The following SPDYE21 variants were observed in gnomAD, a reference collection of about 807,000 sequenced individuals.
SPDYE21 encodes speedy/RINGO cell cycle regulator family member E21, also known as speedy protein E21.
Under a neutral mutation model 36.2 loss-of-function variants are expected in SPDYE21, and 14 were observed. That is an observed-to-expected ratio of 0.39 (90% CI 0.26 to 0.61). SPDYE21 has a LOEUF of 0.61. Ranked by LOEUF, SPDYE21 falls within the 20% of genes least tolerant of loss-of-function variation. The probability of loss-of-function intolerance (pLI) is 0.55; values close to 1 mark genes in which losing one functional copy is unlikely to be tolerated. For synonymous variants in SPDYE21, 58 were observed against 155.1 expected (o/e 0.37, Z 4.65); for missense variants, 233 against 424.6 (o/e 0.55, Z 3.97).
At chr7:67,284,468 G>A (rs1584748984) in intron 6 of SPDYE21, among the ~76,000 whole-genome samples, 5 of 88,532 alleles carry the variant, frequency 5.6e-5, no homozygotes, top group East Asian at 5.1e-4. Flanking sequence ...AAAAAAAAAA[G>A]CCAAAAAAAC....
rs1007095875 is a variant in SPDYE21 at position 67,279,852 on chromosome 7, C to T, written c.195C>T (p.Ser65=). The T allele has an allele frequency of 1.1e-5, 18 of 1,592,812 alleles. No homozygotes were observed. The highest frequency in any genetic ancestry group is 1.4e-5 in the Non-Finnish European group (16 of 1,178,386). The change falls in exon 3 of 9, where the codon TCC becomes TCT. Residue 65 remains serine, a synonymous_variant. Transcript: ENST00000424157. ...TAGATCCCAGCCCCCCATGTAGGTC[C>T]CTTGGCTGGAAAAGGAAGAAGGAGT... ...PGVDPSPPCR[S]LGWKRKKEWS...
Position 67,279,896 on chromosome 7 carries a change from A to G in SPDYE21, c.239A>G (p.Glu80Gly). ...RKKEWSDESE[E>G]EPEKELAPEP... is the part of the protein sequence containing the mutation. ...AAGGAGTGGTCAGATGAATCTGAGG[A>G]GGAGCCGGAGAAGGAGCTCGCCCCT... Residue 80 changes from glutamate (E) to glycine (G), a missense_variant, in exon 3 of 9, where the codon GAG becomes GGG. Transcript: ENST00000424157. 3 of 1,589,314 alleles carry G rather than the reference A, an allele frequency of 1.9e-6. No homozygotes were observed. The South Asian group carries it at 3.3e-5, about 18-fold the overall frequency.
At chr7:67,281,099 C>CAAAAAA (rs3972832) in intron 3 of SPDYE21, among the ~76,000 whole-genome samples, 36 of 43,736 alleles carry the variant, frequency 8.2e-4, no homozygotes, top group African/African-American at 9.5e-4. Context: ...ACAACAACAA[C>CAAAAAA]AAAAAAAAAA....
chr7:67,285,365 G>A (rs1347875919), intron 6 of SPDYE21, among the ~76,000 whole-genome samples: 1 of 151,050 alleles, frequency 6.6e-6, no homozygotes, highest in African/African-American at 2.4e-5. Context: ...ACAGGGCTGT[G>A]CCACCACACC....
At chr7:67,283,143 T>G (rs2116509954) in intron 5 of SPDYE21, among the ~76,000 whole-genome samples, 1 of 151,818 alleles carries the variant, frequency 6.6e-6, no homozygotes, top group African/African-American at 2.4e-5. Context: ...CCACAAATTT[T>G]TTTTTTGTGA....
intron 5 of SPDYE21, 76 bp downstream of exon 5, chr7:67,282,769 T>C: frequency 9.0e-7 from 1 of 1,112,494 alleles, no homozygotes; most frequent in Non-Finnish European, 1.2e-6. Flanking sequence ...AAACCCACAG[T>C]TCTCCCTCCA....
intron 8 of SPDYE21, among the ~76,000 whole-genome samples, 146 bp from the exon 9 acceptor site, chr7:67,287,372 T>A (rs1038565605): frequency 3.9e-5 from 6 of 152,132 alleles, no homozygotes; most frequent in Non-Finnish European, 7.3e-5. Flanking sequence ...ACACGATGGT[T>A]CAGAAGCAGG....
rs1018931540 is a variant in SPDYE21, at chr7:67,279,867, G to T, written c.210G>T (p.Arg70Ser). The change falls in exon 3 of 9, where the codon AGG becomes AGT. Residue 70 changes from arginine (R) to serine (S), a missense_variant. Transcript: ENST00000424157. ...CATGTAGGTCCCTTGGCTGGAAAAG[G>T]AAGAAGGAGTGGTCAGATGAATCTG... ...SPPCRSLGWK[R>S]KKEWSDESEE... The T allele has an allele frequency of 1.9e-6, 3 of 1,591,516 alleles. No individual in the cohort carries two copies. In the African/African-American group the frequency reaches 4.1e-5, roughly 22 times the overall value.
In SPDYE21 at chr7:67,278,506, G is replaced by GT. The variant is rs377381962; in HGVS notation, c.-199dup. On this transcript the variant is annotated 5_prime_UTR_variant, in exon 2 of 9. An upstream open reading frame in the 5' UTR gains an earlier in-frame stop. Transcript: ENST00000424157. ...AGAGATCAGCCTGGCAGTTACATGT[G>GT]TTTTTTTTTCAAACTGGTTGCCAGG... Among the ~76,000 whole-genome samples, 12 of 39,404 alleles carry GT rather than the reference G, an allele frequency of 3.0e-4. 1 individual carries two copies. Among genetic ancestry groups the GT allele is most frequent in the Middle Eastern group, 0.013 (1 of 78 alleles). 25.9% of individuals were successfully genotyped at this position (39,404 alleles called of 152,430 possible). A position where few individuals can be genotyped will look rare whatever the true frequency, so the allele number is the denominator to read the frequency against.
In SPDYE21 at chr7:67,279,925, C is replaced by A. The variant is rs1471616812; in HGVS notation, c.268C>A (p.Pro90Thr). The A allele has an allele frequency of 1.9e-6, 3 of 1,589,646 alleles. No homozygotes were observed. Among genetic ancestry groups the A allele is most frequent in the Non-Finnish European group, 2.5e-6 (3 of 1,177,362 alleles). ...EEPEKELAPE[P>T]EETWVVETLC... The stretch of plus-strand genomic sequence containing the variant: ...GCCGGAGAAGGAGCTCGCCCCTGAG[C>A]CTGAGGAGACCTGGGTAGTGGAGAC... The change falls in exon 3 of 9, where the codon CCT becomes ACT. Residue 90 changes from proline to threonine, a missense_variant. By Grantham distance (38) the Pro-to-Thr change is conservative. Around this residue, in one of 4 missense-constraint regions of SPDYE21, gnomAD observed 68 missense variants for 87.6 expected, o/e 0.78. Transcript: ENST00000424157.
Position 67,286,182 on chromosome 7 carries a change from G to A in SPDYE21, c.894G>A (p.Arg298=), listed in dbSNP as rs1187783003. ...WFQLGRSMNP[R]ARKNRSRIPL... Reference sequence around the variant, plus strand: ...AGTTAGGCCGTTCCATGAACCCGAGGGCCAGGAAGAACCGCTCTCGCATAC... The same window carrying A: ...AGTTAGGCCGTTCCATGAACCCGAGAGCCAGGAAGAACCGCTCTCGCATAC... The change falls in exon 7 of 9, where the codon AGG becomes AGA. Residue 298 remains arginine (R), a synonymous_variant. Coordinates refer to ENST00000424157, the MANE Select transcript of SPDYE21 (RefSeq NM_001382715.2). 19 of 1,611,052 alleles carry A rather than the reference G, an allele frequency of 1.2e-5. No individual in the cohort carries two copies. In the East Asian group the frequency reaches 4.0e-4, roughly 34 times the overall value.
At chr7:67,277,452 G>A (rs1450765447) in intron 1 of SPDYE21, among the ~76,000 whole-genome samples, 2 of 152,066 alleles carry the variant, frequency 1.3e-5, no homozygotes, top group Non-Finnish European at 2.9e-5. Flanking sequence ...ATCTTGCTGT[G>A]TTGCCCAGAC....
At position 67,286,085 on chromosome 7, in the gene SPDYE21, A is replaced by G; in HGVS notation, c.797A>G (p.Lys266Arg). Residue 266 changes from lysine to arginine, a missense_variant, in exon 7 of 9, where the codon AAA becomes AGA. Around this residue, in one of 4 missense-constraint regions of SPDYE21, gnomAD observed 139 missense variants for 175.8 expected, o/e 0.79. Transcript: ENST00000424157. ...NDMEEDDEDS[K>R]QNIFHFLYGK... is the part of the protein sequence containing the mutation. ...ATGGAGGAGGACGACGAGGACTCCA[A>G]ACAAAACATCTTCCACTTCCTGTAT... 1.2e-6 allele frequency: 2 copies of G among 1,613,804 alleles called. No homozygotes were observed. The highest frequency in any genetic ancestry group is 2.2e-5 in the South Asian group (2 of 91,058).
intron 6 of SPDYE21, among the ~76,000 whole-genome samples, chr7:67,285,264 A>G (rs561533150): frequency 1.6e-3 from 238 of 152,322 alleles, no homozygotes; most frequent in African/African-American, 5.4e-3. Flanking sequence ...CCCCCAAGCT[A>G]GAGTGCAGTG....
chr7:67,278,218 A>C (rs370199142), intron 1 of SPDYE21, among the ~76,000 whole-genome samples, 74 bp from the exon 2 acceptor site: 13 of 104,884 alleles, frequency 1.2e-4, no homozygotes, highest in South Asian at 7.0e-4. Flanking sequence ...GTACATGATA[A>C]TCTCACTCTT....
Position 67,278,673 on chromosome 7 carries a change from A to C in SPDYE21, c.-41A>C, listed in dbSNP as rs969803754. Among the ~76,000 whole-genome samples the C allele has an allele frequency of 5.5e-5, 8 of 145,226 alleles. No homozygotes were observed. In the Admixed American group the frequency reaches 5.6e-4, roughly 10 times the overall value. ...ACTTCTCCTAGGCTTGAGAATTGAT[A>C]ACATACTCTTCTGGATCCTAGCAGT... On this transcript the variant is annotated 5_prime_UTR_variant, in exon 2 of 9. Coordinates refer to ENST00000424157, the MANE Select transcript of SPDYE21 (RefSeq NM_001382715.2).
At chr7:67,284,069 C>G (rs1802686314) in intron 6 of SPDYE21, 71 bp downstream of exon 6, 4 of 659,122 alleles carry the variant, frequency 6.1e-6, no homozygotes, top group African/African-American at 3.6e-5. Context: ...GGGATTCCAG[C>G]CTTTCATTTA....
chr7:67,288,164 T>A lies in SPDYE21; in HGVS notation c.*692T>A, dbSNP rs1297092384. Among the ~76,000 whole-genome samples, 13 of 151,746 alleles carry A rather than the reference T, an allele frequency of 8.6e-5. No homozygotes were observed. The highest frequency in any genetic ancestry group is 5.9e-4 in the Admixed American group (9 of 15,248). On this transcript the variant is annotated 3_prime_UTR_variant, in exon 9 of 9. Transcript: ENST00000424157. ...TCTTTTTATCCTAAATATTTTATTA[T>A]CTTTAAATTTTTTTCTGTATTATTA...
In SPDYE21 at chr7:67,288,415, G is replaced by T; in HGVS notation, c.*943G>T. The stretch of plus-strand genomic sequence containing the variant: ...TCTAATATATACTATCTATTTTATT[G>T]GTTTATTTTGAAAAACATGGGTATA... On this transcript the variant is annotated 3_prime_UTR_variant, in exon 9 of 9. Transcript: ENST00000424157. Among the ~76,000 whole-genome samples, 2 of 143,660 alleles carry T rather than the reference G, an allele frequency of 1.4e-5. No homozygotes were observed. The highest frequency in any genetic ancestry group is 5.0e-5 in the African/African-American group (2 of 39,868). 94.2% of individuals were successfully genotyped at this position (143,660 alleles called of 152,430 possible). A position where few individuals can be genotyped will look rare whatever the true frequency, so the allele number is the denominator to read the frequency against.
Sources: allele counts gnomAD v4.1 joint callset (sites outside exome capture counted in the v4.1 genomes callset), GRCh38; gene constraint gnomAD v4.1.1; regional missense constraint gnomAD v4.1.1; transcripts MANE v1.5; gene names NCBI Gene and HGNC (gene_info 2026-07-23, HGNC 2026-07-21).